MYO6: variants seen among roughly 807,000 people sequenced by gnomAD.
The protein encoded by MYO6 is myosin VI.
Under a neutral mutation model 178.7 loss-of-function variants are expected in MYO6, and 74 were observed. That is an observed-to-expected ratio of 0.41 (90% CI 0.34 to 0.50). The LOEUF (loss-of-function observed/expected upper bound fraction) is 0.50. MYO6 is among the 20% of genes least tolerant of loss of function. The pLI is 0.09. For synonymous variants in MYO6, 477 were observed against 504.6 expected (o/e 0.95, Z 0.73); for missense variants, 1,330 against 1,547.4 (o/e 0.86, Z 2.36).
chr6:75,840,504 T>G (rs1774112647), intron 7 of MYO6, 81 bp from the exon 8 acceptor site: 1 of 937,740 alleles, frequency 1.1e-6, no homozygotes, highest in Non-Finnish European at 1.8e-6. Context: ...ACATATATAT[T>G]AACAAATGGA....
At chr6:75,900,098 G>A (rs1337965814) in intron 30 of MYO6, among the ~76,000 whole-genome samples, 9 of 151,776 alleles carry the variant, frequency 5.9e-5, no homozygotes, top group Non-Finnish European at 1.0e-4. Flanking sequence ...GTATTCCATG[G>A]TGTATATGTG....
chr6:75,758,847 A>C (rs1777702500), intron 1 of MYO6, among the ~76,000 whole-genome samples: 1 of 151,972 alleles, frequency 6.6e-6, no homozygotes, highest in Non-Finnish European at 1.5e-5. Flanking sequence ...AAATAGTAAA[A>C]ATGTATAAAT....
At chr6:75,824,574 A>C (rs1453971403) in intron 3 of MYO6, among the ~76,000 whole-genome samples, 1 of 152,080 alleles carries the variant, frequency 6.6e-6, no homozygotes, top group Non-Finnish European at 1.5e-5. Flanking sequence ...ATGCACACAC[A>C]CACAGGGTCT....
intron 1 of MYO6, among the ~76,000 whole-genome samples, chr6:75,755,553 G>A (rs1376903030): frequency 6.6e-6 from 1 of 152,120 alleles, no homozygotes; most frequent in Non-Finnish European, 1.5e-5. Flanking sequence ...AGCTTTTCTA[G>A]TTGGAGAATT....
At chr6:75,792,171 G>A (rs769930045) in intron 1 of MYO6, among the ~76,000 whole-genome samples, 13 of 152,242 alleles carry the variant, frequency 8.5e-5, no homozygotes, top group African/African-American at 1.4e-4. Context: ...ATGTTCTGCC[G>A]AAAAATTGGT....
Position 75,911,680 on chromosome 6 carries a change from C to G in MYO6, c.3421C>G (p.Pro1141Ala). The change falls in exon 33 of 35, where the codon CCA (proline) becomes GCA (alanine). Residue 1141 changes from proline to alanine, a missense_variant. Physicochemically the swap from Pro to Ala is conservative, Grantham distance 27. Transcript: ENST00000369977. The stretch of plus-strand genomic sequence containing the variant: ...AAAATATTTGTTCACAGATTTTGCA[C>G]CATTTTTGAACAATTCACGTAAGTC... ...PKSVTDYDFA[P>A]FLNNSPQQNP... 1 of 1,611,828 alleles carries G rather than the reference C, an allele frequency of 6.2e-7. No homozygotes were observed. The highest frequency in any genetic ancestry group is 8.5e-7 in the Non-Finnish European group (1 of 1,178,278).
At chr6:75,797,111 A>T (rs2150105644) in intron 1 of MYO6, among the ~76,000 whole-genome samples, 1 of 151,992 alleles carries the variant, frequency 6.6e-6, no homozygotes, top group South Asian at 2.1e-4. Flanking sequence ...TTTTTTTGAG[A>T]CAGAGTCTTG....
chr6:75,887,973 C>T (rs928920863), intron 25 of MYO6, among the ~76,000 whole-genome samples: 50 of 146,754 alleles, frequency 3.4e-4, no homozygotes, highest in African/African-American at 1.1e-3. Context: ...AGCAAGACTC[C>T]GTCTCAAAAA....
Position 75,890,237 on chromosome 6 carries a change from C to T in MYO6, c.2839C>T (p.Arg947Ter), listed in dbSNP as rs876657653. 1.9e-6 allele frequency: 3 copies of T among 1,612,434 alleles called. No homozygotes were observed. Among genetic ancestry groups the T allele is most frequent in the Non-Finnish European group, 2.5e-6 (3 of 1,178,860 alleles). The stretch of plus-strand genomic sequence containing the variant: ...AAGACGTGAAGAAGACGAAAAACGT[C>T]GAAGAAAGGAAGAGGAGGAAAGGCG... ...RKRREEDEKR[R>*]RKEEEERRMK... The change falls in exon 26 of 35, where the codon CGA (arginine) becomes TGA (stop). Residue 947 changes from arginine (R) to a stop codon, truncating the protein, a stop_gained. Transcript: ENST00000369977. LOFTEE classifies it high-confidence loss of function.
intron 3 of MYO6, 23 bp downstream of exon 3, chr6:75,822,874 A>G (rs764203654): frequency 4.9e-5 from 76 of 1,559,394 alleles, no homozygotes; most frequent in Non-Finnish European, 6.5e-5. Context: ...TTAAAAATTA[A>G]CTCTCCGCAC....
chr6:75,849,246 G>A (rs1775027028), intron 11 of MYO6, among the ~76,000 whole-genome samples: 1 of 152,168 alleles, frequency 6.6e-6, no homozygotes, highest in Admixed American at 6.5e-5. Context: ...TGTCAGAGTT[G>A]AGTAGTTGCA....
intron 20 of MYO6, among the ~76,000 whole-genome samples, chr6:75,875,568 T>C (rs1777511919): frequency 6.6e-6 from 1 of 152,238 alleles, no homozygotes; most frequent in Non-Finnish European, 1.5e-5. Flanking sequence ...ATTATAGGCA[T>C]GAGCTGCCAT....
At chr6:75,866,896 A>C (rs181124496) in intron 17 of MYO6, 36 bp from the exon 18 acceptor site, 1 of 1,604,350 alleles carries the variant, frequency 6.2e-7, no homozygotes, top group African/African-American at 1.3e-5. Context: ...TTATCACAAG[A>C]TGGACAGAAA....
chr6:75,822,748 C>T (rs955306449), intron 2 of MYO6, 34 bp from the exon 3 acceptor site: 5 of 1,582,794 alleles, frequency 3.2e-6, no homozygotes, highest in Non-Finnish European at 4.3e-6. Flanking sequence ...ATTTAAAAGC[C>T]TTGAGTTTAA....
intron 1 of MYO6, among the ~76,000 whole-genome samples, chr6:75,816,070 A>T (rs1562199030): frequency 6.6e-6 from 1 of 152,234 alleles, no homozygotes; most frequent in African/African-American, 2.4e-5. Context: ...TACAGGGGTA[A>T]TGGAAAAATT....
chr6:75,871,071 T>C (rs1307324733), intron 19 of MYO6, among the ~76,000 whole-genome samples: 1 of 152,206 alleles, frequency 6.6e-6, no homozygotes, highest in East Asian at 1.9e-4. Context: ...AATATTTTTG[T>C]GCCCTGCTAT....
intron 9 of MYO6, 40 bp downstream of exon 9, chr6:75,841,418 G>A: frequency 1.3e-6 from 2 of 1,582,946 alleles, no homozygotes; most frequent in Non-Finnish European, 1.7e-6. Flanking sequence ...GCCAGGTGCA[G>A]TGGCTCATGC....
chr6:75,873,092 C>A, intron 19 of MYO6, 115 bp from the exon 20 acceptor site: 1 of 850,706 alleles, frequency 1.2e-6, no homozygotes, highest in South Asian at 1.4e-5. Flanking sequence ...TTAGTAATTA[C>A]TTTTACAGGT....
At chr6:75,753,439 A>ATGTG (rs1246409309) in intron 1 of MYO6, among the ~76,000 whole-genome samples, 42 of 137,368 alleles carry the variant, frequency 3.1e-4, no homozygotes, top group African/African-American at 1.1e-3. Flanking sequence ...TATGATCTAT[A>ATGTG]TATGTGTGTG....
Sources: allele counts gnomAD v4.1 joint callset (sites outside exome capture counted in the v4.1 genomes callset), GRCh38; gene constraint gnomAD v4.1.1; transcripts MANE v1.5; gene names NCBI Gene and HGNC (gene_info 2026-07-23, HGNC 2026-07-21).